DYNC2H1: variants seen among roughly 807,000 people sequenced by gnomAD.
DYNC2H1 encodes the protein dynein cytoplasmic 2 heavy chain 1.
Under a neutral mutation model 570.0 loss-of-function variants are expected in DYNC2H1, and 410 were observed. The observed-to-expected ratio is 0.72, with a 90% CI of 0.66 to 0.78. The LOEUF is 0.78. DYNC2H1 is among the 30% of genes least tolerant of loss of function. The pLI, the probability that DYNC2H1 is intolerant of heterozygous loss-of-function variation, is 0.00. For missense variants in DYNC2H1, 4,865 were observed against 5,046.4 expected (o/e 0.96, Z 1.09); for synonymous variants, 1,688 against 1,677.6 (o/e 1.01, Z -0.15).
chr11:103,196,019 T>C (rs1285289329), intron 47 of DYNC2H1, among the ~76,000 whole-genome samples: 6 of 152,238 alleles, frequency 3.9e-5, no homozygotes, highest in East Asian at 1.9e-4. Flanking sequence ...CTAGAGTATA[T>C]AGTGCAGAGA....
chr11:103,322,196 T>C (rs1212455475), intron 81 of DYNC2H1, among the ~76,000 whole-genome samples: 3 of 152,142 alleles, frequency 2.0e-5, no homozygotes, highest in Non-Finnish European at 4.4e-5. Context: ...GTAATGCACC[T>C]GTGGAGTTTA....
rs1028369368 is a variant in DYNC2H1 at position 103,319,694 on chromosome 11, C to G, written c.11726-1335C>G. Among the ~76,000 whole-genome samples, 1 of 151,964 alleles carries G rather than the reference C, an allele frequency of 6.6e-6. No individual in the cohort carries two copies. The highest frequency in any genetic ancestry group is 1.5e-5 in the Non-Finnish European group (1 of 67,962). On this transcript the variant is annotated intron_variant, in intron 80 of 88. Coordinates refer to ENST00000375735, the MANE Select transcript of DYNC2H1 (RefSeq NM_001377.3). The surrounding 1 kb of genome is among the most constrained non-coding windows in gnomAD (Gnocchi z 4.3). The stretch of plus-strand genomic sequence containing the variant: ...AAAATAAGATTTTCTTATAAAAATT[C>G]GATAAAATATTTCACATAATGGCTG...
Position 103,115,268 on chromosome 11 carries a change from T to G in DYNC2H1, c.594T>G (p.Phe198Leu). Residue 198 changes from phenylalanine (F) to leucine (L), a missense_variant, in exon 4 of 89, where the codon TTT (phenylalanine) becomes TTG (leucine). Phe to Leu is a conservative substitution (Grantham distance 22, BLOSUM62 0). Around this residue, in one of 5 missense-constraint regions of DYNC2H1, gnomAD observed 1,936 missense variants for 1,962.1 expected, o/e 0.99. Transcript: ENST00000375735. ...TTAGTAAAGAAAGAGCCAATTATTT[T>G]AAAGAATTATTTGAAACAATTGCAA... ...KQISKERANY[F>L]KELFETIARE... 1 of 1,595,988 alleles carries G rather than the reference T, an allele frequency of 6.3e-7. No homozygotes were observed.
chr11:103,158,444 A>G (rs1484443237), intron 26 of DYNC2H1, among the ~76,000 whole-genome samples: 1 of 152,200 alleles, frequency 6.6e-6, no homozygotes, highest in African/African-American at 2.4e-5. Context: ...GCGAGACTCC[A>G]TCTCAAAAAA....
intron 84 of DYNC2H1, among the ~76,000 whole-genome samples, chr11:103,429,802 G>C (rs990934853): frequency 1.3e-5 from 2 of 152,186 alleles, no homozygotes; most frequent in African/African-American, 4.8e-5. Context: ...TGCATATGAA[G>C]TTGAAATTAC....
At chr11:103,119,035 T>C (rs952109085) in intron 6 of DYNC2H1, among the ~76,000 whole-genome samples, 1 of 152,192 alleles carries the variant, frequency 6.6e-6, no homozygotes, top group Non-Finnish European at 1.5e-5. Flanking sequence ...AAGAAGAATT[T>C]TTTCTTCAAC....
chr11:103,307,849 T>A lies in DYNC2H1; in HGVS notation c.11493+18T>A. 6.8e-7 allele frequency: 1 copy of A among 1,460,076 alleles called. No homozygotes were observed. Among genetic ancestry groups the A allele is most frequent in the Non-Finnish European group, 9.4e-7 (1 of 1,058,664 alleles). 90.4% of individuals were successfully genotyped at this position (1,460,076 alleles called of 1,614,324 possible). On this transcript the variant is annotated intron_variant, in intron 78 of 88. Transcript: ENST00000375735. The stretch of plus-strand genomic sequence containing the variant: ...CATATGAGGTAAGAAGATTTAAAAC[T>A]TGGATCACCAGTTGTATGAAAGCAG...
intron 17 of DYNC2H1, among the ~76,000 whole-genome samples, chr11:103,142,760 A>C (rs1431703176): frequency 1.3e-5 from 2 of 152,188 alleles, no homozygotes; most frequent in African/African-American, 4.8e-5. Flanking sequence ...ATGTTACTGA[A>C]ATCAGGGCTA....
rs139319426 is a variant in DYNC2H1 at position 103,198,021 on chromosome 11, T to G, written c.7797T>G (p.Leu2599=). 485 of 1,554,302 alleles carry G rather than the reference T, an allele frequency of 3.1e-4. 9 individuals are homozygous for G. In the East Asian group the frequency reaches 0.012, roughly 37 times the overall value. Residue 2599 remains leucine, a synonymous_variant, in exon 48 of 89, where the codon CTT becomes CTG. Coordinates refer to ENST00000375735, the MANE Select transcript of DYNC2H1 (RefSeq NM_001377.3). ...GQPLPPHGKP[L]GKLNSTDLKD... is the part of the protein sequence containing the mutation. The stretch of plus-strand genomic sequence containing the variant: ...CATTACCTCCACATGGAAAACCACT[T>G]GGAAAACTAAACTCTACTGATCTCA...
At chr11:103,251,922 T>A (rs1164583456) in intron 65 of DYNC2H1, among the ~76,000 whole-genome samples, 1 of 152,042 alleles carries the variant, frequency 6.6e-6, no homozygotes, top group Non-Finnish European at 1.5e-5. Context: ...TTTCTTTTCT[T>A]TTCCTTTCAT....
At position 103,129,879 on chromosome 11, in the gene DYNC2H1, G is replaced by A. The variant is rs1390711306; in HGVS notation, c.1953+874G>A. Among the ~76,000 whole-genome samples, 2 of 152,068 alleles carry A rather than the reference G, an allele frequency of 1.3e-5. No individual in the cohort carries two copies. The highest frequency in any genetic ancestry group is 2.9e-5 in the Non-Finnish European group (2 of 68,022). On this transcript the variant is annotated intron_variant, in intron 13 of 88. Coordinates refer to ENST00000375735, the MANE Select transcript of DYNC2H1 (RefSeq NM_001377.3). The surrounding 1 kb of genome is among the most constrained non-coding windows in gnomAD (Gnocchi z 4.1). ...TATTTGAAAGTGGATAACTAGTTGT[G>A]TCAGGATCCTCAGGACCACCCCAGA...
At chr11:103,347,557 G>C (rs1273167774) in intron 82 of DYNC2H1, among the ~76,000 whole-genome samples, 2 of 152,098 alleles carry the variant, frequency 1.3e-5, no homozygotes, top group African/African-American at 4.8e-5. Context: ...GGAAAGTGTT[G>C]ACAGTTGTTG....
intron 70 of DYNC2H1, among the ~76,000 whole-genome samples, chr11:103,278,997 A>G (rs770385643): frequency 6.6e-6 from 1 of 152,242 alleles, no homozygotes; most frequent in Non-Finnish European, 1.5e-5. Context: ...GAGTAGAGTT[A>G]GTATACTGTG....
intron 54 of DYNC2H1, among the ~76,000 whole-genome samples, chr11:103,214,128 A>AAG: frequency 6.6e-6 from 1 of 152,170 alleles, no homozygotes; most frequent in South Asian, 2.1e-4. Context: ...TCAGTGGACT[A>AAG]TAAATACATG....
Position 103,468,668 on chromosome 11 carries a change from C to T in DYNC2H1, c.12728C>T (p.Ser4243Leu). 1 of 1,613,628 alleles carries T rather than the reference C, an allele frequency of 6.2e-7. No individual in the cohort carries two copies. Among genetic ancestry groups the T allele is most frequent in the South Asian group, 1.1e-5 (1 of 91,024 alleles). The change falls in exon 88 of 89, where the codon TCA becomes TTA. Residue 4243 changes from serine (S) to leucine (L), a missense_variant. Around this residue, in one of 5 missense-constraint regions of DYNC2H1, gnomAD observed 2,401 missense variants for 2,454.6 expected, o/e 0.98. Transcript: ENST00000375735. ...AATCAGCTTGATTCTCCCAGCGTGTCATCAGTGCTCCCTTGTTTTATGGGC... is the reference window on the plus strand; with the variant it reads ...AATCAGCTTGATTCTCCCAGCGTGTTATCAGTGCTCCCTTGTTTTATGGGC... ...SENQLDSPSVSSVLPCFMGWI... is the reference protein window; with the variant it reads ...SENQLDSPSVLSVLPCFMGWI...
In DYNC2H1 at chr11:103,383,474, C is replaced by CTTTA. The variant is rs748549766; in HGVS notation, c.12157-16185_12157-16182dup. Among the ~76,000 whole-genome samples, 45 of 28,242 alleles carry CTTTA rather than the reference C, an allele frequency of 1.6e-3. 1 individual carries two copies. Among genetic ancestry groups the CTTTA allele is most frequent in the East Asian group, 4.9e-3 (3 of 612 alleles). 18.5% of individuals were successfully genotyped at this position (28,242 alleles called of 152,430 possible). ...TTGGTAATTCTTTCTCCTTTTAAAT[C>CTTTA]TTTATTTTTTTTTTTTTGAGATGGA... On this transcript the variant is annotated intron_variant, in intron 83 of 88. Coordinates refer to ENST00000375735, the MANE Select transcript of DYNC2H1 (RefSeq NM_001377.3).
rs533301115 is a variant in DYNC2H1, at chr11:103,444,887, G to A, written c.12456+8855G>A. 2.6e-5 allele frequency among the ~76,000 whole-genome samples: 4 copies of A among 152,312 alleles called. No individual in the cohort carries two copies. In the East Asian group the frequency reaches 5.8e-4, roughly 22 times the overall value. ...TGGGTGGCCAAGGACCATTATGTAT[G>A]AGTCCATGTAGGCTTGGTAAGAAAT... On this transcript the variant is annotated intron_variant, in intron 85 of 88. Transcript: ENST00000375735.
At position 103,120,952 on chromosome 11, in the gene DYNC2H1, G is replaced by A; in HGVS notation, c.1276G>A (p.Glu426Lys). The change falls in exon 9 of 89, where the codon GAG becomes AAG. Residue 426 changes from glutamate (E) to lysine (K), a missense_variant. Coordinates refer to ENST00000375735, the MANE Select transcript of DYNC2H1 (RefSeq NM_001377.3). ...QLLQAFLKYK[E>K]LVKRPTISKE... ...TCTTCAAGCATTCCTGAAATATAAA[G>A]AGTTGGTAAAGCGTCCAACTATAAG... 2 of 1,550,582 alleles carry A rather than the reference G, an allele frequency of 1.3e-6. No individual in the cohort carries two copies. The highest frequency in any genetic ancestry group is 2.3e-5 in the East Asian group (1 of 42,784).
At chr11:103,433,597 G>A in intron 84 of DYNC2H1, among the ~76,000 whole-genome samples, 1 of 152,032 alleles carries the variant, frequency 6.6e-6, no homozygotes, top group Non-Finnish European at 1.5e-5. Flanking sequence ...TAATTTAAGA[G>A]TCATGTTTAA....
Sources: gnomAD v4.1 joint callset for allele counts (sites outside exome capture counted in the v4.1 genomes callset) on GRCh38, gnomAD v4.1.1 for gene constraint, gnomAD v4.1.1 regional missense constraint, Gnocchi (gnomAD v3.1) non-coding constraint, MANE v1.5 for transcripts, NCBI Gene and HGNC (gene_info 2026-07-23, HGNC 2026-07-21) for gene names.